KCTD3: variants seen among roughly 807,000 people sequenced by gnomAD.
KCTD3 encodes potassium channel tetramerization domain containing 3.
In KCTD3, 41 loss-of-function variants were observed where a neutral mutation model predicts 85.8. The ratio of observed to expected loss-of-function variants is 0.48; its 90% CI spans 0.37 to 0.62. The LOEUF is 0.62. KCTD3 is among the 20% of genes least tolerant of loss of function. The probability of loss-of-function intolerance (pLI) is 0.00; values close to 1 mark genes in which losing one functional copy is unlikely to be tolerated. For missense variants in KCTD3, 724 were observed against 989.9 expected (o/e 0.73, Z 3.60); for synonymous variants, 338 against 345.4 (o/e 0.98, Z 0.24).
chr1:215,614,033 T>TTG lies in KCTD3; in HGVS notation c.1562+2113_1562+2114insGT, dbSNP rs1558245500. Among the ~76,000 whole-genome samples the TTG allele has an allele frequency of 2.4e-3, 328 of 138,570 alleles. 1 individual carries two copies. The highest frequency in any genetic ancestry group is 8.8e-3 in the African/African-American group (319 of 36,160). The allele number at this position is 138,570 out of a possible 152,430, so 90.9% of individuals were successfully genotyped here. A position where few individuals can be genotyped will look rare whatever the true frequency, so the allele number is the denominator to read the frequency against. ...CTTTAGAATAGTTTTTTTTTTTTTT[T>TTG]TTTTTTTTTTTTTTTAAGAGACAGA... On this transcript the variant is annotated intron_variant, in intron 15 of 17. Transcript: ENST00000259154.
At chr1:215,590,170 G>GCCA (rs929921340) in intron 9 of KCTD3, among the ~76,000 whole-genome samples, 1 of 152,030 alleles carries the variant, frequency 6.6e-6, no homozygotes, top group African/African-American at 2.4e-5. Context: ...GGCTTTAACT[G>GCCA]CATTTTTCTG....
At chr1:215,570,710 A>G (rs187524611) in intron 1 of KCTD3, among the ~76,000 whole-genome samples, 17 of 152,348 alleles carry the variant, frequency 1.1e-4, no homozygotes, top group Non-Finnish European at 2.9e-5. Context: ...ACAGTGCAGA[A>G]TAAATAACTA....
At chr1:215,600,045 A>T (rs995728979) in intron 10 of KCTD3, among the ~76,000 whole-genome samples, 1 of 152,124 alleles carries the variant, frequency 6.6e-6, no homozygotes, top group African/African-American at 2.4e-5. Context: ...TGAGTAAGAA[A>T]ATTGGTTAGT....
chr1:215,618,860 G>T, intron 15 of KCTD3, 26 bp from the exon 16 acceptor site: 1 of 1,534,984 alleles, frequency 6.5e-7, no homozygotes, highest in Non-Finnish European at 8.8e-7. Context: ...ATTCCCATCA[G>T]GGCTCTTTCT....
At chr1:215,591,889 C>T (rs1281849215) in intron 9 of KCTD3, among the ~76,000 whole-genome samples, 1 of 152,174 alleles carries the variant, frequency 6.6e-6, no homozygotes, top group Non-Finnish European at 1.5e-5. Context: ...AAGACATACT[C>T]AAAACTGGGA....
At chr1:215,607,201 C>T (rs2102596396) in intron 13 of KCTD3, among the ~76,000 whole-genome samples, 1 of 151,912 alleles carries the variant, frequency 6.6e-6, no homozygotes, top group East Asian at 1.9e-4. Context: ...ATTTTAGATA[C>T]TTTCCTAATA....
chr1:215,605,932 A>C (rs533745657), intron 13 of KCTD3, among the ~76,000 whole-genome samples: 1 of 152,180 alleles, frequency 6.6e-6, no homozygotes, highest in East Asian at 1.9e-4. Context: ...TCTATGGTAC[A>C]TGTTCCACAC....
At position 215,608,004 on chromosome 1, in the gene KCTD3, C is replaced by T; in HGVS notation, c.1310-13C>T. 1 of 1,578,016 alleles carries T rather than the reference C, an allele frequency of 6.3e-7. No homozygotes were observed. The highest frequency in any genetic ancestry group is 8.6e-7 in the Non-Finnish European group (1 of 1,168,450). Reference sequence around the variant, plus strand: ...GTAATTTTGTATTCTTTTGTGTTCTCTTTCTCTGCTAGTCTGTGCAGATAA... The same window carrying T: ...GTAATTTTGTATTCTTTTGTGTTCTTTTTCTCTGCTAGTCTGTGCAGATAA... On this transcript the variant is annotated splice_polypyrimidine_tract_variant and intron_variant, in intron 13 of 17. Transcript: ENST00000259154.
chr1:215,597,943 C>G (rs1396745395), intron 10 of KCTD3, among the ~76,000 whole-genome samples: 1 of 151,882 alleles, frequency 6.6e-6, no homozygotes, highest in African/African-American at 2.4e-5. Context: ...GGTCTGTTTG[C>G]TTACTTACAG....
At chr1:215,599,329 G>A (rs1056754998) in intron 10 of KCTD3, among the ~76,000 whole-genome samples, 4 of 152,160 alleles carry the variant, frequency 2.6e-5, no homozygotes, top group Non-Finnish European at 5.9e-5. Flanking sequence ...ATTTAGATAA[G>A]TGATTATTTA....
chr1:215,604,935 T>C (rs112014821), intron 13 of KCTD3, among the ~76,000 whole-genome samples: 5,071 of 152,090 alleles, frequency 0.033, 203 homozygotes, highest in African/African-American at 0.094. Flanking sequence ...TAATTAAATA[T>C]TAATTGGATA....
rs745780087 is a variant in KCTD3, at chr1:215,579,991, G to A, written c.618G>A (p.Val206=). 1.9e-6 allele frequency: 3 copies of A among 1,597,646 alleles called. No individual in the cohort carries two copies. Among genetic ancestry groups the A allele is most frequent in the East Asian group, 4.5e-5 (2 of 44,766 alleles). The change falls in exon 8 of 18, where the codon GTG becomes GTA. Residue 206 remains valine (V), a synonymous_variant. Transcript: ENST00000259154. The part of the protein sequence containing the change: ...WIVAAYAHFA[V]CYRIKESSGW... Reference sequence around the variant, plus strand: ...TAGCTGCATATGCCCATTTTGCTGTGTGTTACAGGTAGTGTATAATTAATA... The same window carrying A: ...TAGCTGCATATGCCCATTTTGCTGTATGTTACAGGTAGTGTATAATTAATA...
intron 1 of KCTD3, among the ~76,000 whole-genome samples, chr1:215,568,834 G>A (rs1393857866): frequency 2.0e-5 from 3 of 151,998 alleles, no homozygotes; most frequent in Non-Finnish European, 4.4e-5. Context: ...ATGGTACTTC[G>A]TTCTTAGGGT....
intron 14 of KCTD3, among the ~76,000 whole-genome samples, chr1:215,608,868 G>A (rs894230005): frequency 6.6e-6 from 1 of 151,944 alleles, no homozygotes; most frequent in African/African-American, 2.4e-5. Context: ...AGTGTTACCA[G>A]TTTTAACAGT....
chr1:215,614,532 A>C (rs1425433072), intron 15 of KCTD3, among the ~76,000 whole-genome samples: 1 of 151,684 alleles, frequency 6.6e-6, no homozygotes, highest in African/African-American at 2.4e-5. Context: ...AAGATCTTTC[A>C]CCTCTGTGGT....
intron 8 of KCTD3, chr1:215,581,052 C>A: frequency 4.8e-6 from 2 of 416,184 alleles, no homozygotes; most frequent in South Asian, 1.7e-5. Context: ...TCAAGATCAG[C>A]CCGACCAACA....
At chr1:215,588,140 A>T (rs565321708) in intron 9 of KCTD3, among the ~76,000 whole-genome samples, 1 of 152,162 alleles carries the variant, frequency 6.6e-6, no homozygotes, top group East Asian at 1.9e-4. Context: ...TTTTGAGGAT[A>T]GTTCTGCCAA....
At chr1:215,585,491 A>G (rs1295800163) in intron 8 of KCTD3, among the ~76,000 whole-genome samples, 1 of 152,158 alleles carries the variant, frequency 6.6e-6, no homozygotes, top group African/African-American at 2.4e-5. Flanking sequence ...ATGAATACCT[A>G]AGTTTGCTTT....
intron 15 of KCTD3, among the ~76,000 whole-genome samples, chr1:215,615,338 C>T (rs112524191): frequency 0.023 from 3,458 of 151,924 alleles, 127 homozygotes; most frequent in African/African-American, 0.077. Flanking sequence ...AAATCTATCC[C>T]GGCCGGGCGT....
Sources: allele counts gnomAD v4.1 joint callset (sites outside exome capture counted in the v4.1 genomes callset), GRCh38; gene constraint gnomAD v4.1.1; transcripts MANE v1.5; gene names NCBI Gene and HGNC (gene_info 2026-07-23, HGNC 2026-07-21).